SLC24A4: variants seen among roughly 807,000 people sequenced by gnomAD.
SLC24A4 encodes the protein sodium/potassium/calcium exchanger 4.
In SLC24A4, 53 loss-of-function variants were observed where a neutral mutation model predicts 79.0. The ratio of observed to expected loss-of-function variants is 0.67; its 90% CI spans 0.54 to 0.84. The LOEUF is 0.84. Among genes scored for constraint, SLC24A4 ranks in the 40% least tolerant of loss-of-function variants. SLC24A4 has a pLI of 0.00. For synonymous variants in SLC24A4, 323 were observed against 323.8 expected (o/e 1.00, Z 0.03); for missense variants, 731 against 822.0 (o/e 0.89, Z 1.35).
chr14:92,470,251 G>A (rs1211732285), intron 12 of SLC24A4, among the ~76,000 whole-genome samples: 5 of 152,200 alleles, frequency 3.3e-5, no homozygotes, highest in Admixed American at 2.0e-4. Flanking sequence ...CAGGGATTCC[G>A]ACTTACACTC....
chr14:92,483,906 C>T (rs963400519), intron 13 of SLC24A4: 47 of 1,281,630 alleles, frequency 3.7e-5, no homozygotes, highest in African/African-American at 3.0e-4. Context: ...GGCCAGTAAA[C>T]GTTCCATGCT....
intron 2 of SLC24A4, among the ~76,000 whole-genome samples, chr14:92,406,806 G>GGA (rs1890410348): frequency 6.6e-6 from 1 of 151,878 alleles, no homozygotes; most frequent in Non-Finnish European, 1.5e-5. Context: ...TGATGGGGGG[G>GGA]TCTCTGAAAT....
At chr14:92,355,500 G>A (rs1887127196) in intron 2 of SLC24A4, among the ~76,000 whole-genome samples, 1 of 152,210 alleles carries the variant, frequency 6.6e-6, no homozygotes, top group Admixed American at 6.5e-5. Flanking sequence ...CCAAGTCCTT[G>A]GACCCTAGGT....
At position 92,326,466 on chromosome 14, in the gene SLC24A4, C is replaced by T. The variant is rs187250584; in HGVS notation, c.241+488C>T. 8.7e-5 allele frequency among the ~76,000 whole-genome samples: 13 copies of T among 149,804 alleles called. No homozygotes were observed. In the South Asian group the frequency reaches 1.1e-3, roughly 12 times the overall value. On this transcript the variant is annotated intron_variant, in intron 2 of 16. Transcript: ENST00000532405. The stretch of plus-strand genomic sequence containing the variant: ...GCGGCTGTTTCTCTCAAATGGGAGT[C>T]GGCACGGTGTCATTCAGCCCTGGAG...
intron 2 of SLC24A4, among the ~76,000 whole-genome samples, chr14:92,388,427 C>A (rs1344867674): frequency 6.6e-6 from 1 of 152,132 alleles, no homozygotes; most frequent in African/African-American, 2.4e-5. Flanking sequence ...GGGTTCCTTG[C>A]CACGTCCTCT....
intron 2 of SLC24A4, among the ~76,000 whole-genome samples, chr14:92,330,596 C>A (rs936666714): frequency 6.6e-6 from 1 of 152,202 alleles, no homozygotes; most frequent in Non-Finnish European, 1.5e-5. Flanking sequence ...AGCAAAATAT[C>A]ATAGACAGGA....
rs146620387 is a variant in SLC24A4, at chr14:92,362,976, G to A, written c.241+36998G>A. On this transcript the variant is annotated intron_variant, in intron 2 of 16. Coordinates refer to ENST00000532405, the MANE Select transcript of SLC24A4 (RefSeq NM_153646.4). ...CCCGAGAAGACGAGGCGCTCAGCCT[G>A]CCCGACTTCTCTCAGCTTGCCTCCT... 4.2e-3 allele frequency among the ~76,000 whole-genome samples: 634 copies of A among 152,340 alleles called. 5 individuals carry two copies. Among genetic ancestry groups the A allele is most frequent in the African/African-American group, 0.014 (595 of 41,582 alleles).
chr14:92,332,824 A>G (rs1885555813), intron 2 of SLC24A4, among the ~76,000 whole-genome samples: 1 of 152,234 alleles, frequency 6.6e-6, no homozygotes, highest in South Asian at 2.1e-4. Flanking sequence ...TAAGTACAGA[A>G]AAACAATTTG....
chr14:92,445,421 C>T (rs1036284048), intron 8 of SLC24A4, 79 bp downstream of exon 8: 35 of 1,438,992 alleles, frequency 2.4e-5, no homozygotes, highest in East Asian at 4.6e-5. Flanking sequence ...TTCCCTGAAT[C>T]GTTTTAAAAA....
chr14:92,375,109 A>G (rs1289715653), intron 2 of SLC24A4, among the ~76,000 whole-genome samples: 2 of 152,234 alleles, frequency 1.3e-5, no homozygotes, highest in African/African-American at 2.4e-5. Flanking sequence ...AACAGTTCCA[A>G]CTTTTTACCC....
At chr14:92,447,140 A>G (rs1036872957) in intron 8 of SLC24A4, among the ~76,000 whole-genome samples, 5 of 152,216 alleles carry the variant, frequency 3.3e-5, no homozygotes, top group East Asian at 1.9e-4. Context: ...GCAGACCTCT[A>G]TAGTTGAGAA....
At chr14:92,396,434 T>C (rs1196562653) in intron 2 of SLC24A4, among the ~76,000 whole-genome samples, 2 of 152,162 alleles carry the variant, frequency 1.3e-5, no homozygotes, top group Non-Finnish European at 2.9e-5. Flanking sequence ...GAGCCCAAGG[T>C]GCTGTTGTTC....
chr14:92,399,744 G>A (rs1346541227), intron 2 of SLC24A4, among the ~76,000 whole-genome samples: 1 of 152,178 alleles, frequency 6.6e-6, no homozygotes, highest in African/African-American at 2.4e-5. Flanking sequence ...TTGTCAGATT[G>A]GATAATTAAG....
chr14:92,376,142 C>A (rs1182278658), intron 2 of SLC24A4, among the ~76,000 whole-genome samples: 1 of 152,136 alleles, frequency 6.6e-6, no homozygotes, highest in Non-Finnish European at 1.5e-5. Flanking sequence ...CCATATGGTG[C>A]AGTGGCAGAA....
At chr14:92,478,648 G>GGTT (rs528151511) in intron 12 of SLC24A4, among the ~76,000 whole-genome samples, 10 of 120,352 alleles carry the variant, frequency 8.3e-5, no homozygotes, top group Admixed American at 8.2e-5. Flanking sequence ...TCCCAGCTTT[G>GGTT]TTTTGTTTTT....
At chr14:92,347,557 G>A (rs1173595075) in intron 2 of SLC24A4, among the ~76,000 whole-genome samples, 1 of 152,142 alleles carries the variant, frequency 6.6e-6, no homozygotes, top group Admixed American at 6.5e-5. Context: ...CCATCTTACT[G>A]TTACTTCCTA....
chr14:92,343,624 C>T (rs1595140108), intron 2 of SLC24A4, among the ~76,000 whole-genome samples: 1 of 148,246 alleles, frequency 6.7e-6, no homozygotes, highest in African/African-American at 2.5e-5. Flanking sequence ...TTCTTTCTTT[C>T]TTTCTTTCTT....
Position 92,493,654 on chromosome 14 carries a change from G to A in SLC24A4, c.*26G>A, listed in dbSNP as rs376969985. ...CGCTGAGTCGCGGCCCCTGGGAGCT[G>A]ATCTGGACACCCTGTGACACTGGCG... On this transcript the variant is annotated 3_prime_UTR_variant, in exon 17 of 17. Coordinates refer to ENST00000532405, the MANE Select transcript of SLC24A4 (RefSeq NM_153646.4). 1.5e-5 allele frequency: 24 copies of A among 1,612,448 alleles called. No homozygotes were observed. The African/African-American group carries it at 2.9e-4, about 20-fold the overall frequency.
At chr14:92,352,864 T>C (rs1398286966) in intron 2 of SLC24A4, among the ~76,000 whole-genome samples, 1 of 152,222 alleles carries the variant, frequency 6.6e-6, no homozygotes, top group African/African-American at 2.4e-5. Context: ...AAACAGGAAA[T>C]GCCATCATCC....
Sources: allele counts gnomAD v4.1 joint callset (sites outside exome capture counted in the v4.1 genomes callset), GRCh38; gene constraint gnomAD v4.1.1; transcripts MANE v1.5; gene names NCBI Gene and HGNC (gene_info 2026-07-23, HGNC 2026-07-21).